GPD2: variants seen among roughly 807,000 people sequenced by gnomAD.
GPD2 encodes glycerol-3-phosphate dehydrogenase, mitochondrial.
Under a neutral mutation model 82.4 loss-of-function variants are expected in GPD2, and 54 were observed. The observed-to-expected ratio is 0.66, with a 90% CI of 0.53 to 0.82. The LOEUF (loss-of-function observed/expected upper bound fraction) is 0.82, where lower values mean the gene tolerates loss of function less well. Ranked by LOEUF, GPD2 falls within the 40% of genes least tolerant of loss-of-function variation. The pLI, the probability that GPD2 is intolerant of heterozygous loss-of-function variation, is 0.00. For synonymous variants in GPD2, 288 were observed against 306.1 expected, an observed-to-expected ratio of 0.94 and a Z score of 0.62; for missense variants, 748 against 896.2, an observed-to-expected ratio of 0.83 and a Z score of 2.11.
At chr2:156,471,801 C>T (rs13430640) in intron 1 of GPD2, among the ~76,000 whole-genome samples, 3,012 of 152,254 alleles carry the variant, frequency 0.02, 91 homozygotes, top group African/African-American at 0.067. Flanking sequence ...AGACAGAGTG[C>T]AGAGTTACAA....
chr2:156,448,421 A>T (rs960331142), intron 1 of GPD2, among the ~76,000 whole-genome samples: 1 of 152,210 alleles, frequency 6.6e-6, no homozygotes, highest in Non-Finnish European at 1.5e-5. Context: ...CTATGTCAGC[A>T]ATTTTTCTAC....
chr2:156,442,782 G>A (rs1420461984), intron 1 of GPD2, among the ~76,000 whole-genome samples: 1 of 152,110 alleles, frequency 6.6e-6, no homozygotes, highest in Admixed American at 6.6e-5. Context: ...TTGGGCAACA[G>A]AGCAAGACCC....
In GPD2 at chr2:156,583,246, A is replaced by G; in HGVS notation, c.*328A>G. 3.1e-6 allele frequency: 1 copy of G among 321,810 alleles called. No individual in the cohort carries two copies. The highest frequency in any genetic ancestry group is 2.9e-5 in the South Asian group (1 of 34,268). 19.9% of individuals were successfully genotyped at this position (321,810 alleles called of 1,614,324 possible). On this transcript the variant is annotated 3_prime_UTR_variant, in exon 17 of 17. Coordinates refer to ENST00000438166, the MANE Select transcript of GPD2 (RefSeq NM_000408.5). The stretch of plus-strand genomic sequence containing the variant: ...CCCTTATTCTAAATGAGTTCTAAAA[A>G]CATAATATTTTGGCAAAAATTGAAA...
intron 1 of GPD2, among the ~76,000 whole-genome samples, chr2:156,451,766 A>C (rs7606799): frequency 1.4e-5 from 2 of 144,872 alleles, no homozygotes; most frequent in Non-Finnish European, 3.1e-5. Flanking sequence ...CCTCCCTCCC[A>C]GACAGGGTGG....
At chr2:156,404,334 G>T in the GPD2 span, among the ~76,000 whole-genome samples, 1 of 152,106 alleles carries the variant, frequency 6.6e-6, no homozygotes, top group African/African-American at 2.4e-5. Context: ...GCTGCAGTGA[G>T]CTATACTGTG....
At chr2:156,401,216 G>C in the GPD2 span, among the ~76,000 whole-genome samples, 6 of 152,150 alleles carry the variant, frequency 3.9e-5, no homozygotes, top group South Asian at 2.1e-4. Context: ...AACCACCAAT[G>C]CTTATAGCAA....
the GPD2 span, among the ~76,000 whole-genome samples, chr2:156,426,125 G>T: frequency 3.3e-5 from 5 of 151,806 alleles, no homozygotes; most frequent in South Asian, 8.3e-4. Context: ...GGGTTTCACC[G>T]TTTTAGCCGG....
intron 6 of GPD2, among the ~76,000 whole-genome samples, chr2:156,541,824 G>GGTT (rs368922459): frequency 2.6e-4 from 21 of 81,474 alleles, no homozygotes; most frequent in Non-Finnish European, 2.4e-4. Flanking sequence ...AATGCTGTTT[G>GGTT]TTTTTTTTTT....
intron 10 of GPD2, 31 bp downstream of exon 10, chr2:156,568,990 C>A: frequency 1.6e-6 from 2 of 1,253,298 alleles, no homozygotes; most frequent in South Asian, 1.3e-5. Flanking sequence ...ATTTTCTTTT[C>A]TTTTTTTTTT....
chr2:156,503,583 G>T (rs1366574138), intron 3 of GPD2, among the ~76,000 whole-genome samples: 1 of 152,122 alleles, frequency 6.6e-6, no homozygotes, highest in Non-Finnish European at 1.5e-5. Context: ...TGGATATTCA[G>T]TTATTGAAAA....
chr2:156,509,536 G>T (rs186488677), intron 3 of GPD2, among the ~76,000 whole-genome samples: 4 of 151,980 alleles, frequency 2.6e-5, no homozygotes, highest in Non-Finnish European at 4.4e-5. Context: ...GCTTGGTGTC[G>T]ATGTATTCTT....
At chr2:156,561,083 T>C (rs1355385358) in intron 9 of GPD2, among the ~76,000 whole-genome samples, 1 of 132,898 alleles carries the variant, frequency 7.5e-6, no homozygotes, top group Non-Finnish European at 1.6e-5. Context: ...ATTCTCACTT[T>C]GTAGCTCAGG....
chr2:156,572,084 A>G (rs561285785), intron 13 of GPD2, among the ~76,000 whole-genome samples: 1 of 152,182 alleles, frequency 6.6e-6, no homozygotes, highest in Admixed American at 6.6e-5. Context: ...ATTTGACACA[A>G]TTGATTCCCC....
intron 2 of GPD2, among the ~76,000 whole-genome samples, chr2:156,490,180 TG>T (rs1246223901): frequency 6.6e-6 from 1 of 152,174 alleles, no homozygotes; most frequent in East Asian, 1.9e-4. Context: ...GTTTTATTCT[TG>T]CTGCTTTTCT....
intron 3 of GPD2, among the ~76,000 whole-genome samples, chr2:156,496,895 G>A (rs1056986070): frequency 2.6e-5 from 4 of 151,898 alleles, no homozygotes; most frequent in African/African-American, 7.3e-5. Flanking sequence ...TGCAGTTTGC[G>A]AAACTTTAGT....
At chr2:156,432,103 C>G (rs298308), upstream of GPD2, among the ~76,000 whole-genome samples, 47,875 of 151,926 alleles carry the variant, frequency 0.32, 9,047 homozygotes, top group Middle Eastern at 0.44. Flanking sequence ...GGTCAGGCTG[C>G]TCTTGAACTC....
chr2:156,427,509 G>A, the GPD2 span, among the ~76,000 whole-genome samples: 3 of 152,232 alleles, frequency 2.0e-5, no homozygotes, highest in East Asian at 5.8e-4. Context: ...ATTTTACAAG[G>A]CTTTGGTATT....
At chr2:156,531,110 TC>T (rs1304127237) in intron 6 of GPD2, among the ~76,000 whole-genome samples, 6 of 152,244 alleles carry the variant, frequency 3.9e-5, no homozygotes, top group African/African-American at 1.4e-4. Context: ...ATTAAACACT[TC>T]ACTCACTGAA....
chr2:156,437,596 G>A (rs183912691), intron 1 of GPD2, among the ~76,000 whole-genome samples: 4 of 152,144 alleles, frequency 2.6e-5, no homozygotes, highest in Non-Finnish European at 4.4e-5. Flanking sequence ...AAATCAACTC[G>A]TGAAATAATA....
Sources: gnomAD v4.1 joint callset for allele counts (sites outside exome capture counted in the v4.1 genomes callset) on GRCh38, gnomAD v4.1.1 for gene constraint, MANE v1.5 for transcripts, NCBI Gene and HGNC (gene_info 2026-07-23, HGNC 2026-07-21) for gene names.